The following PRELID2 variants were observed in gnomAD, a reference collection of about 807,000 sequenced individuals.
PRELID2 encodes the protein PRELI domain-containing protein 2.
In PRELID2, 25 loss-of-function variants were observed where a neutral mutation model predicts 28.4. That is an observed-to-expected ratio of 0.88 (90% CI 0.64 to 1.23). The LOEUF (loss-of-function observed/expected upper bound fraction) is 1.23, where lower values mean the gene tolerates loss of function less well. Among genes scored for constraint, PRELID2 ranks in the 50% most tolerant of loss-of-function variants. PRELID2 has a pLI of 0.00. For synonymous variants in PRELID2, 76 were observed against 71.6 expected, an observed-to-expected ratio of 1.06 and a Z score of -0.31; for missense variants, 201 against 214.4, an observed-to-expected ratio of 0.94 and a Z score of 0.39.
At chr5:145,530,208 T>C (rs545542415) in intron 1 of PRELID2, among the ~76,000 whole-genome samples, 31 of 152,254 alleles carry the variant, frequency 2.0e-4, no homozygotes, top group African/African-American at 7.2e-4. Flanking sequence ...TTACAGTAGA[T>C]AGAGAACGCC....
In PRELID2 at chr5:145,668,697, C is replaced by T. The variant is rs148055732; in HGVS notation, n.70+96234G>A. On this transcript the variant is annotated intron_variant and non_coding_transcript_variant, in intron 1 of 2. Transcript: ENST00000510259. ...ATGGAACAAGTATAACTATTACCTA[C>T]ATTACAGATAAGGAAAGTGGCTCAA... Among the ~76,000 whole-genome samples the T allele has an allele frequency of 5.8e-3, 885 of 152,218 alleles. 12 individuals are homozygous for T. The highest frequency in any genetic ancestry group is 0.02 in the African/African-American group (818 of 41,560).
intron 1 of PRELID2, among the ~76,000 whole-genome samples, chr5:145,527,275 T>C (rs1174373750): frequency 1.2e-4 from 18 of 152,172 alleles, no homozygotes; most frequent in Non-Finnish European, 1.5e-5. Context: ...CACATAAATA[T>C]GCAAATATAC....
At chr5:145,336,100 G>T in the PRELID2 span, among the ~76,000 whole-genome samples, 321 of 152,280 alleles carry the variant, frequency 2.1e-3, 2 homozygotes, top group African/African-American at 7.2e-3. Flanking sequence ...CATGTCCTTT[G>T]CCCACTTTCT....
chr5:145,481,860 G>A (rs1035356266), intron 1 of PRELID2, among the ~76,000 whole-genome samples: 1 of 151,974 alleles, frequency 6.6e-6, no homozygotes, highest in Non-Finnish European at 1.5e-5. Context: ...ATTCTGTATT[G>A]GTTCATTTGT....
chr5:145,454,990 T>C, the PRELID2 span, among the ~76,000 whole-genome samples: 1 of 152,156 alleles, frequency 6.6e-6, no homozygotes, highest in South Asian at 2.1e-4. Context: ...TTAATTAGAT[T>C]CCATTTGTCA....
At chr5:145,402,253 CT>C in the PRELID2 span, among the ~76,000 whole-genome samples, 1 of 152,108 alleles carries the variant, frequency 6.6e-6, no homozygotes, top group Admixed American at 6.6e-5. Flanking sequence ...GCAAAACTGG[CT>C]TTTCTTGAGT....
chr5:145,592,694 A>C (rs1229797177), intron 1 of PRELID2, among the ~76,000 whole-genome samples: 2 of 152,220 alleles, frequency 1.3e-5, no homozygotes, highest in Non-Finnish European at 2.9e-5. Flanking sequence ...CTGAGAGTTA[A>C]GAATTCAAGC....
At chr5:145,552,807 A>G (rs1752847581) in intron 1 of PRELID2, among the ~76,000 whole-genome samples, 1 of 152,218 alleles carries the variant, frequency 6.6e-6, no homozygotes, top group South Asian at 2.1e-4. Flanking sequence ...GGTGCTTCCC[A>G]AAGAAGTAAC....
intron 1 of PRELID2, among the ~76,000 whole-genome samples, chr5:145,741,936 TA>T (rs1384581209): frequency 5.3e-5 from 2 of 37,580 alleles, no homozygotes; most frequent in Non-Finnish European, 1.3e-4. Flanking sequence ...AAATTTATTA[TA>T]AATAAATAAA....
chr5:145,740,265 A>AATAT lies in PRELID2; in HGVS notation n.70+24662_70+24665dup, dbSNP rs70998029. Among the ~76,000 whole-genome samples, 138 of 40,598 alleles carry AATAT rather than the reference A, an allele frequency of 3.4e-3. 3 individuals carry two copies. The highest frequency in any genetic ancestry group is 4.9e-3 in the Non-Finnish European group (101 of 20,774). The allele number at this position is 40,598 out of a possible 152,430, so 26.6% of individuals were successfully genotyped here. ...TATATAATAATGACAGGATTTATCA[A>AATAT]ATATATATATATATATATATATATA... On this transcript the variant is annotated intron_variant and non_coding_transcript_variant, in intron 1 of 2. Coordinates refer to the PRELID2 transcript ENST00000510259.
At chr5:145,433,966 G>A in the PRELID2 span, among the ~76,000 whole-genome samples, 1 of 152,200 alleles carries the variant, frequency 6.6e-6, no homozygotes, top group Non-Finnish European at 1.5e-5. Flanking sequence ...ACCGCAGGCA[G>A]TCTCAGGATG....
At chr5:145,544,446 A>G (rs1194630614) in intron 1 of PRELID2, among the ~76,000 whole-genome samples, 4 of 152,128 alleles carry the variant, frequency 2.6e-5, no homozygotes, top group African/African-American at 9.7e-5. Flanking sequence ...TAGCCACCAT[A>G]TCAATTATAT....
chr5:145,237,297 C>T, the PRELID2 span, among the ~76,000 whole-genome samples: 11 of 152,106 alleles, frequency 7.2e-5, no homozygotes, highest in Admixed American at 6.6e-5. Flanking sequence ...CATAACATAT[C>T]TTCTAAGACA....
At chr5:145,532,798 T>G (rs2126663150) in intron 1 of PRELID2, among the ~76,000 whole-genome samples, 1 of 152,276 alleles carries the variant, frequency 6.6e-6, no homozygotes, top group South Asian at 2.1e-4. Flanking sequence ...CAGGATTTTC[T>G]TCTGTTTATA....
chr5:145,717,289 C>G (rs1328972620), intron 1 of PRELID2, among the ~76,000 whole-genome samples: 8 of 151,994 alleles, frequency 5.3e-5, no homozygotes, highest in Admixed American at 1.3e-4. Flanking sequence ...TGACTACTAA[C>G]AGGCATGAGG....
At chr5:145,531,116 A>G (rs1484677600) in intron 1 of PRELID2, among the ~76,000 whole-genome samples, 1 of 152,104 alleles carries the variant, frequency 6.6e-6, no homozygotes, top group Non-Finnish European at 1.5e-5. Context: ...GGGCTCTTTG[A>G]TCTATCTCAC....
rs150264644 is a variant in PRELID2 at position 145,790,422 on chromosome 5, A to G, written c.474+6020T>C. Among the ~76,000 whole-genome samples the G allele has an allele frequency of 9.3e-4, 142 of 152,204 alleles. 1 individual carries two copies. The East Asian group carries it at 0.026, about 28-fold the overall frequency. Reference sequence around the variant, plus strand: ...ACAAATACCTCATATGTAAAATCTAAAAAAGTTAAACTCATAGAAGTAGAG... The same window carrying G: ...ACAAATACCTCATATGTAAAATCTAGAAAAGTTAAACTCATAGAAGTAGAG... On this transcript the variant is annotated intron_variant, in intron 5 of 6. Transcript: ENST00000683046.
the PRELID2 span, among the ~76,000 whole-genome samples, chr5:145,423,098 G>T: frequency 6.6e-6 from 1 of 151,842 alleles, no homozygotes; most frequent in African/African-American, 2.4e-5. Context: ...TTTCTGCCGA[G>T]AGATCCGCTG....
the PRELID2 span, among the ~76,000 whole-genome samples, chr5:145,447,545 T>C: frequency 7.1e-6 from 1 of 139,948 alleles, no homozygotes; most frequent in East Asian, 2.1e-4. Context: ...TATGTATACA[T>C]GTGCCATGCT....
Sources: allele counts gnomAD v4.1 joint callset (sites outside exome capture counted in the v4.1 genomes callset), GRCh38; gene constraint gnomAD v4.1.1; transcripts MANE v1.5; gene names NCBI Gene and HGNC (gene_info 2026-07-23, HGNC 2026-07-21).